The following SESTD1 variants were observed in gnomAD, a reference collection of about 807,000 sequenced individuals.
SESTD1 encodes the protein SEC14 domain and spectrin repeat-containing protein 1.
A neutral mutation model predicts 101.7 loss-of-function variants in SESTD1; 43 were observed. That is an observed-to-expected ratio of 0.42 (90% confidence interval 0.33 to 0.55). The LOEUF is 0.55. Ranked by LOEUF, SESTD1 falls within the 20% of genes least tolerant of loss-of-function variation. The pLI is 0.07. For synonymous variants in SESTD1, 283 were observed against 286.8 expected (o/e 0.99, Z 0.13); for missense variants, 647 against 815.1 (o/e 0.79, Z 2.51).
intron 2 of SESTD1, 26 bp downstream of exon 2, chr2:179,191,761 C>A (rs746850492): frequency 6.9e-6 from 11 of 1,597,922 alleles, no homozygotes; most frequent in Non-Finnish European, 9.4e-6. Flanking sequence ...ATATCAAACA[C>A]TTCAAATTTT....
At chr2:179,182,472 G>A (rs911864830) in intron 3 of SESTD1, among the ~76,000 whole-genome samples, 41 of 152,038 alleles carry the variant, frequency 2.7e-4, no homozygotes, top group Admixed American at 7.2e-4. Context: ...TGACTAATAC[G>A]CAGTCACAGT....
intron 6 of SESTD1, among the ~76,000 whole-genome samples, chr2:179,150,373 A>T (rs1275593207): frequency 6.6e-6 from 1 of 152,166 alleles, no homozygotes; most frequent in Non-Finnish European, 1.5e-5. Context: ...CAAATTACAC[A>T]GAGTTGCAGA....
intron 1 of SESTD1, among the ~76,000 whole-genome samples, chr2:179,193,651 AC>A (rs2046350468): frequency 6.6e-6 from 1 of 152,226 alleles, no homozygotes; most frequent in Non-Finnish European, 1.5e-5. Context: ...CTTAGTCTTC[AC>A]AACATTTCTA....
In SESTD1 at chr2:179,114,086, T is replaced by TAATAGTATACTTCATAATAATAAAA. The variant is rs566207515; in HGVS notation, c.1839+954_1839+978dup. On this transcript the variant is annotated intron_variant, in intron 16 of 17. Coordinates refer to ENST00000428443, the MANE Select transcript of SESTD1 (RefSeq NM_178123.5). ...AATACTTGTGGTATGTTTTCTATGTTAATAGTATACTTCATAATAATAAAA... is the reference window on the plus strand; with the variant it reads ...AATACTTGTGGTATGTTTTCTATGTTAATAGTATACTTCATAATAATAAAAAATAGTATACTTCATAATAATAAAA... Among the ~76,000 whole-genome samples, 1,020 of 152,272 alleles carry TAATAGTATACTTCATAATAATAAAA rather than the reference T, an allele frequency of 6.7e-3. 10 individuals are homozygous for TAATAGTATACTTCATAATAATAAAA. The highest frequency in any genetic ancestry group is 0.011 in the Non-Finnish European group (750 of 68,006).
chr2:179,120,325 G>C (rs1010804567), intron 13 of SESTD1, among the ~76,000 whole-genome samples: 1 of 152,136 alleles, frequency 6.6e-6, no homozygotes, highest in Non-Finnish European at 1.5e-5. Flanking sequence ...GCAGTACATG[G>C]GGCATCCCGC....
At position 179,183,148 on chromosome 2, in the gene SESTD1, T is replaced by A; in HGVS notation, c.96A>T (p.Pro32=). ...CCATATTTGTCTGTTCGAGGCATAA[T>A]GGAATTGTCAAAATGAGGCCACTCC... is the stretch of plus-strand genomic sequence containing the variant. ...DRRSGLILTI[P]LCLEQTNMDE... The change falls in exon 3 of 18, where the codon CCA becomes CCT. Residue 32 remains proline, a synonymous_variant. Transcript: ENST00000428443. 6.2e-7 allele frequency: 1 copy of A among 1,612,100 alleles called. No homozygotes were observed. The highest frequency in any genetic ancestry group is 8.5e-7 in the Non-Finnish European group (1 of 1,179,002).
At chr2:179,151,454 C>A in intron 5 of SESTD1, 63 bp from the exon 6 acceptor site, 2 of 1,157,516 alleles carry the variant, frequency 1.7e-6, no homozygotes, top group Non-Finnish European at 2.4e-6. Flanking sequence ...ACGAAAGTAA[C>A]CAGGAGGTAA....
intron 1 of SESTD1, among the ~76,000 whole-genome samples, chr2:179,226,837 C>G (rs948876516): frequency 1.5e-4 from 23 of 152,130 alleles, no homozygotes; most frequent in African/African-American, 5.6e-4. Flanking sequence ...TGGCAGATAG[C>G]CAATGCGCAA....
chr2:179,246,512 A>G lies in SESTD1; in HGVS notation c.-26+17987T>C, dbSNP rs545650282. Reference sequence around the variant, plus strand: ...CTCTTTCTCTCTCTCTCAAGTGTTTATCACACAAGTGTCTATCGAACAACT... The same window carrying G: ...CTCTTTCTCTCTCTCTCAAGTGTTTGTCACACAAGTGTCTATCGAACAACT... On this transcript the variant is annotated intron_variant, in intron 1 of 17. Coordinates refer to ENST00000428443, the MANE Select transcript of SESTD1 (RefSeq NM_178123.5). 7.9e-5 allele frequency among the ~76,000 whole-genome samples: 12 copies of G among 152,294 alleles called. No homozygotes were observed. In the South Asian group the frequency reaches 2.3e-3, roughly 29 times the overall value.
At chr2:179,128,310 G>T (rs2044924267) in intron 10 of SESTD1, among the ~76,000 whole-genome samples, 4 of 152,152 alleles carry the variant, frequency 2.6e-5, no homozygotes, top group Admixed American at 2.6e-4. Flanking sequence ...TGAAATTAGA[G>T]ACATTGATAT....
At chr2:179,164,434 T>A (rs971955547) in intron 5 of SESTD1, among the ~76,000 whole-genome samples, 1 of 152,092 alleles carries the variant, frequency 6.6e-6, no homozygotes, top group African/African-American at 2.4e-5. Flanking sequence ...TGATAATTAA[T>A]CTCTCCATTT....
chr2:179,115,099 T>G lies in SESTD1; in HGVS notation c.1805A>C (p.Glu602Ala). The G allele has an allele frequency of 1.2e-6, 2 of 1,610,014 alleles. No individual in the cohort carries two copies. Among genetic ancestry groups the G allele is most frequent in the Non-Finnish European group, 1.7e-6 (2 of 1,179,212 alleles). The part of the protein sequence containing the change: ...IASEERVHRL[E>A]MAIAFHSNAE... ...ATTTGAGTGAAATGCAATAGCCATT[T>G]CCAATCTATGTACTCTCTCTTCAGA... Residue 602 changes from glutamate to alanine, a missense_variant, in exon 16 of 18, where the codon GAA becomes GCA. By Grantham distance (107) the Glu-to-Ala change is moderately radical (BLOSUM62 -1). Around this residue, in one of 3 missense-constraint regions of SESTD1, gnomAD observed 476 missense variants for 562.6 expected, o/e 0.85. Coordinates refer to ENST00000428443, the MANE Select transcript of SESTD1 (RefSeq NM_178123.5).
chr2:179,146,311 C>A, intron 8 of SESTD1, 91 bp downstream of exon 8: 1 of 1,222,540 alleles, frequency 8.2e-7, no homozygotes, highest in Non-Finnish European at 1.2e-6. Flanking sequence ...TCCACATGTA[C>A]CACATTCATG....
At chr2:179,223,448 G>T (rs2046841138) in intron 1 of SESTD1, among the ~76,000 whole-genome samples, 1 of 151,594 alleles carries the variant, frequency 6.6e-6, no homozygotes, top group Non-Finnish European at 1.5e-5. Context: ...CCTTAGTAAA[G>T]CCATCAAAAA....
chr2:179,120,869 T>C (rs1012244507), intron 13 of SESTD1, among the ~76,000 whole-genome samples: 1 of 152,174 alleles, frequency 6.6e-6, no homozygotes, highest in Non-Finnish European at 1.5e-5. Flanking sequence ...CGTACCCATA[T>C]GTGTGATTAT....
At position 179,102,510 on chromosome 2, in the gene SESTD1, G is replaced by T. The variant is rs1446347012; in HGVS notation, c.*7389C>A. The T allele has an allele frequency of 6.6e-6, 1 of 152,026 alleles. No homozygotes were observed. Among genetic ancestry groups the T allele is most frequent in the Non-Finnish European group, 1.5e-5 (1 of 68,006 alleles). 9.4% of individuals were successfully genotyped at this position (152,026 alleles called of 1,614,324 possible). On this transcript the variant is annotated 3_prime_UTR_variant, in exon 18 of 18. Coordinates refer to ENST00000428443, the MANE Select transcript of SESTD1 (RefSeq NM_178123.5). ...ATCAAAGAAATACATACCAAAACCT[G>T]CTGCCATTATAGTTGTTAACATTTT...
rs1367007392 is a variant in SESTD1 at position 179,215,750 on chromosome 2, C to G, written c.-25-23884G>C. Among the ~76,000 whole-genome samples, 5 of 135,176 alleles carry G rather than the reference C, an allele frequency of 3.7e-5. 2 individuals carry two copies. Among genetic ancestry groups the G allele is most frequent in the African/African-American group, 1.5e-4 (5 of 34,156 alleles). The allele number at this position is 135,176 out of a possible 152,430, so 88.7% of individuals were successfully genotyped here. ...TGATGCGAAAATCCTCAATAAAATA[C>G]TGGCAAACCAAATCCAGCAGCACAT... On this transcript the variant is annotated intron_variant, in intron 1 of 17. Transcript: ENST00000428443.
intron 15 of SESTD1, 98 bp downstream of exon 15, chr2:179,116,566 AAACT>A (rs1559096833): frequency 6.3e-7 from 1 of 1,577,806 alleles, no homozygotes; most frequent in Non-Finnish European, 8.7e-7. Context: ...TGGAATAACA[AAACT>A]AACCTTCTTG....
chr2:179,149,472 A>T, intron 6 of SESTD1, 78 bp from the exon 7 acceptor site: 1 of 973,700 alleles, frequency 1.0e-6, no homozygotes, highest in Non-Finnish European at 1.5e-6. Flanking sequence ...GTTAAGAGTA[A>T]TAGAATTGGC....
Sources: allele counts gnomAD v4.1 joint callset (sites outside exome capture counted in the v4.1 genomes callset), GRCh38; gene constraint gnomAD v4.1.1; regional missense constraint gnomAD v4.1.1; transcripts MANE v1.5; gene names NCBI Gene and HGNC (gene_info 2026-07-23, HGNC 2026-07-21).